Variants in SBK1 observed in about 807,000 individuals in gnomAD.
SBK1 encodes the protein SH3 domain binding kinase 1.
SBK1 carries 11 observed loss-of-function variants against 24.4 expected under a neutral mutation model. That is an observed-to-expected ratio of 0.45 (90% CI 0.28 to 0.75). SBK1 has a LOEUF of 0.75. SBK1 is among the 30% of genes least tolerant of loss of function. SBK1 has a pLI of 0.12. For missense variants in SBK1, 467 were observed against 620.5 expected, an observed-to-expected ratio of 0.75 and a Z score of 2.63; for synonymous variants, 308 against 284.4, an observed-to-expected ratio of 1.08 and a Z score of -0.83.
chr16:28,320,744 G>GCC lies in SBK1; in HGVS notation c.1103_1104dup (p.Ala369ProfsTer27). On this transcript the variant is annotated frameshift_variant, in exon 4 of 4. Transcript: ENST00000341901. LOFTEE classifies it high-confidence loss of function. This position sits in a 1 kb window ranked among gnomAD's most constrained non-coding sequence, Gnocchi z 8.5. The stretch of plus-strand genomic sequence containing the variant: ...AGAGCGGCAGCGGCTCCCGGCCCGC[G>GCC]CCCCCCGCCGTCGGGTCGGTGCCCT... 8.2e-7 allele frequency: 1 copy of GCC among 1,216,160 alleles called. No individual in the cohort carries two copies. The highest frequency in any genetic ancestry group is 1.0e-6 in the Non-Finnish European group (1 of 969,932). The allele number at this position is 1,216,160 out of a possible 1,614,324, so 75.3% of individuals were successfully genotyped here.
Position 28,283,042 on chromosome 16 carries a change from C to T in SBK1, c.257+23540C>T, listed in dbSNP as rs570891114. ...CTGCCTCCCGGGTTCAAGCGATTCT[C>T]CTGCCTCAGCCTCCCGAGTAGCTGA... is the stretch of plus-strand genomic sequence containing the variant. On this transcript the variant is annotated intron_variant, in intron 1 of 3. Transcript: ENST00000671413. Among the ~76,000 whole-genome samples, 49 of 152,214 alleles carry T rather than the reference C, an allele frequency of 3.2e-4. No homozygotes were observed. In the South Asian group the frequency reaches 7.7e-3, roughly 24 times the overall value.
chr16:28,298,772 C>T (rs1197305995), intron 1 of SBK1, among the ~76,000 whole-genome samples: 1 of 152,214 alleles, frequency 6.6e-6, no homozygotes, highest in East Asian at 1.9e-4. Flanking sequence ...AGAGGATGTT[C>T]CAACTGCCTC....
chr16:28,313,137 G>A (rs951582900), intron 1 of SBK1, among the ~76,000 whole-genome samples: 14 of 151,600 alleles, frequency 9.2e-5, no homozygotes, highest in African/African-American at 2.7e-4. Context: ...AATAAAATAC[G>A]AAAAAAAATT....
chr16:28,301,164 C>G (rs2044676030), intron 1 of SBK1, among the ~76,000 whole-genome samples: 1 of 152,216 alleles, frequency 6.6e-6, no homozygotes. Flanking sequence ...CTGCCTCACC[C>G]AGGCAGCCAG....
intron 1 of SBK1, among the ~76,000 whole-genome samples, chr16:28,283,386 C>G (rs2044545684): frequency 6.6e-6 from 1 of 152,098 alleles, no homozygotes; most frequent in Non-Finnish European, 1.5e-5. Context: ...CAAACGATGA[C>G]AAGGATTCTC....
At chr16:28,303,225 T>C (rs992500942) in intron 1 of SBK1, among the ~76,000 whole-genome samples, 1 of 151,738 alleles carries the variant, frequency 6.6e-6, no homozygotes, top group African/African-American at 2.4e-5. Flanking sequence ...TGAGAGCCAG[T>C]AGAGGCTGCT....
chr16:28,310,417 G>A (rs1278245308), intron 1 of SBK1, among the ~76,000 whole-genome samples: 1 of 152,188 alleles, frequency 6.6e-6, no homozygotes, highest in African/African-American at 2.4e-5. Flanking sequence ...CTGGGCCTCA[G>A]TTTCCCCACC....
At chr16:28,270,127 C>T (rs1365790971) in intron 1 of SBK1, among the ~76,000 whole-genome samples, 4 of 151,840 alleles carry the variant, frequency 2.6e-5, no homozygotes, top group Non-Finnish European at 5.9e-5. Flanking sequence ...AGTGCAGTGG[C>T]GTGATCTCCA....
Position 28,295,920 on chromosome 16 carries a change from CTT to C in SBK1, c.-8+2641_-8+2642del, listed in dbSNP as rs923306681. On this transcript the variant is annotated intron_variant, in intron 1 of 3. Coordinates refer to ENST00000341901, the MANE Select transcript of SBK1 (RefSeq NM_001024401.3). ...TCTGGGTTTGCAGGCCCAGAAAAAT[CTT>C]TTTTTTTTTTTTTTTTTTTTGAGAC... 5.6e-3 allele frequency among the ~76,000 whole-genome samples: 601 copies of C among 107,974 alleles called. 2 individuals carry two copies. The highest frequency in any genetic ancestry group is 0.02 in the African/African-American group (571 of 28,664). 70.8% of individuals were successfully genotyped at this position (107,974 alleles called of 152,430 possible).
At chr16:28,285,268 A>G (rs1290980421) in intron 1 of SBK1, 1 of 152,130 alleles carries the variant, frequency 6.6e-6, no homozygotes, top group African/African-American at 2.4e-5. Context: ...ATTTTAAAAA[A>G]GATAGGGCCG....
intron 1 of SBK1, among the ~76,000 whole-genome samples, chr16:28,262,725 A>G (rs2044405055): frequency 6.6e-6 from 1 of 152,244 alleles, no homozygotes; most frequent in African/African-American, 2.4e-5. Flanking sequence ...ATTTGTCAGC[A>G]AACGCATCAC....
At chr16:28,272,618 T>C (rs965408381) in intron 1 of SBK1, among the ~76,000 whole-genome samples, 34 of 130,560 alleles carry the variant, frequency 2.6e-4, no homozygotes, top group Admixed American at 3.9e-4. Context: ...TTTCTTTCTT[T>C]CTTTTTTTTT....
intron 1 of SBK1, among the ~76,000 whole-genome samples, chr16:28,316,502 T>C (rs1292623409): frequency 6.6e-6 from 1 of 152,006 alleles, no homozygotes; most frequent in Non-Finnish European, 1.5e-5. Flanking sequence ...CAGTGGCTCA[T>C]GCTGGTAATC....
chr16:28,293,792 G>A (rs1428765699), intron 1 of SBK1, among the ~76,000 whole-genome samples: 2 of 152,104 alleles, frequency 1.3e-5, no homozygotes, highest in Non-Finnish European at 2.9e-5. Context: ...CTGTGAGAGT[G>A]CGGGGAAGGG....
chr16:28,270,359 C>A (rs569373332), intron 1 of SBK1, among the ~76,000 whole-genome samples: 4 of 151,658 alleles, frequency 2.6e-5, no homozygotes, highest in African/African-American at 9.7e-5. Context: ...CACGATCTGC[C>A]GGAACTATGT....
intron 1 of SBK1, among the ~76,000 whole-genome samples, chr16:28,282,022 G>A (rs1049398456): frequency 3.9e-5 from 6 of 152,156 alleles, no homozygotes; most frequent in African/African-American, 1.4e-4. Context: ...TAGGTCCTCT[G>A]TGCCTCAGCT....
At chr16:28,272,379 G>A (rs1409812245) in intron 1 of SBK1, among the ~76,000 whole-genome samples, 1 of 151,794 alleles carries the variant, frequency 6.6e-6, no homozygotes, top group Non-Finnish European at 1.5e-5. Context: ...TTACACAGCA[G>A]CTCTTTAGAG....
At chr16:28,288,313 T>C (rs2044578899), upstream of SBK1, among the ~76,000 whole-genome samples, 1 of 152,136 alleles carries the variant, frequency 6.6e-6, no homozygotes, top group Non-Finnish European at 1.5e-5. Context: ...GAACCACAGA[T>C]GGGTTTCACA....
At chr16:28,287,458 AAAAAAAGAAG>A (rs1186557576) in intron 1 of SBK1, among the ~76,000 whole-genome samples, 1 of 151,806 alleles carries the variant, frequency 6.6e-6, no homozygotes, top group African/African-American at 2.4e-5. Flanking sequence ...CAAAAAAAAA[AAAAAAAGAAG>A]AAAGAAGGAA....
Sources: allele counts gnomAD v4.1 joint callset (sites outside exome capture counted in the v4.1 genomes callset), GRCh38; gene constraint gnomAD v4.1.1; non-coding constraint Gnocchi (gnomAD v3.1); transcripts MANE v1.5; gene names NCBI Gene and HGNC (gene_info 2026-07-23, HGNC 2026-07-21).